TWSG1: variants seen among roughly 807,000 people sequenced by gnomAD.
TWSG1 encodes twisted gastrulation BMP signaling modulator 1.
Under a neutral mutation model 23.0 loss-of-function variants are expected in TWSG1, and 15 were observed. The observed-to-expected ratio is 0.65, with a 90% CI of 0.44 to 1.00. TWSG1 has a LOEUF of 1.00. Ranked by LOEUF, TWSG1 falls within the 50% of genes least tolerant of loss-of-function variation. TWSG1 has a pLI of 0.00. For missense variants in TWSG1, 242 were observed against 278.7 expected, an observed-to-expected ratio of 0.87 and a Z score of 0.94; for synonymous variants, 86 against 92.8, an observed-to-expected ratio of 0.93 and a Z score of 0.42.
At chr18:9,359,659 G>T (rs2040543150) in intron 2 of TWSG1, among the ~76,000 whole-genome samples, 1 of 152,132 alleles carries the variant, frequency 6.6e-6, no homozygotes, top group Non-Finnish European at 1.5e-5. Context: ...CTGAGAAGCA[G>T]GTTTTGTTCT....
intron 3 of TWSG1, among the ~76,000 whole-genome samples, chr18:9,379,161 C>A (rs749335277): frequency 2.0e-5 from 3 of 152,166 alleles, no homozygotes; most frequent in Non-Finnish European, 2.9e-5. Context: ...ACCCAGCAGT[C>A]CCACTACTCA....
chr18:9,340,934 G>A (rs1406721494), intron 2 of TWSG1, among the ~76,000 whole-genome samples: 1 of 152,206 alleles, frequency 6.6e-6, no homozygotes, highest in Non-Finnish European at 1.5e-5. Context: ...TTGAAAATCT[G>A]AAGGCTCACT....
At chr18:9,374,028 TG>T (rs1252793890) in intron 3 of TWSG1, among the ~76,000 whole-genome samples, 1 of 152,162 alleles carries the variant, frequency 6.6e-6, no homozygotes, top group African/African-American at 2.4e-5. Flanking sequence ...CATCAAAATT[TG>T]AGGGATGCCA....
intron 3 of TWSG1, among the ~76,000 whole-genome samples, chr18:9,368,504 A>C (rs1225588923): frequency 4.0e-5 from 6 of 150,994 alleles, no homozygotes; most frequent in African/African-American, 9.7e-5. Flanking sequence ...CCTGGCCATT[A>C]TTGTGGTTTT....
intron 2 of TWSG1, among the ~76,000 whole-genome samples, chr18:9,353,930 A>G (rs2040513294): frequency 6.6e-6 from 1 of 152,248 alleles, no homozygotes; most frequent in African/African-American, 2.4e-5. Flanking sequence ...TTACCTTTAC[A>G]AACAATGATT....
At chr18:9,358,554 A>G (rs2145606247) in intron 2 of TWSG1, among the ~76,000 whole-genome samples, 2 of 152,318 alleles carry the variant, frequency 1.3e-5, no homozygotes, top group African/African-American at 4.8e-5. Context: ...GCCATGAAAA[A>G]TTAGAACGGC....
In TWSG1 at chr18:9,339,173, G is replaced by C. The variant is rs143301560; in HGVS notation, c.123+1821G>C. ...TGAGCTATGATTGTGCCACTGCACT[G>C]AAGCCTGGGTGACAGAGCAAGACCC... On this transcript the variant is annotated intron_variant, in intron 2 of 4. Transcript: ENST00000262120. Among the ~76,000 whole-genome samples, 14 of 151,072 alleles carry C rather than the reference G, an allele frequency of 9.3e-5. No homozygotes were observed. In the East Asian group the frequency reaches 2.7e-3, roughly 29 times the overall value.
At chr18:9,394,903 T>C (rs1393393181) in intron 3 of TWSG1, among the ~76,000 whole-genome samples, 2 of 152,162 alleles carry the variant, frequency 1.3e-5, no homozygotes, top group Non-Finnish European at 2.9e-5. Context: ...GATATTCTCC[T>C]AAAAATTGGC....
intron 3 of TWSG1, among the ~76,000 whole-genome samples, chr18:9,393,801 T>A (rs1228264156): frequency 6.6e-6 from 1 of 152,200 alleles, no homozygotes; most frequent in Non-Finnish European, 1.5e-5. Flanking sequence ...CCTGAAGCAG[T>A]CCTCTCACCT....
intron 2 of TWSG1, among the ~76,000 whole-genome samples, chr18:9,346,967 A>G (rs892614376): frequency 3.3e-5 from 5 of 152,200 alleles, no homozygotes; most frequent in South Asian, 2.1e-4. Context: ...GAGAGTTGCT[A>G]TTGCTCCACA....
chr18:9,343,367 T>C (rs2040456546), intron 2 of TWSG1, among the ~76,000 whole-genome samples: 1 of 151,396 alleles, frequency 6.6e-6, no homozygotes, highest in Non-Finnish European at 1.5e-5. Flanking sequence ...GGAACTCTTA[T>C]TAGTATAAAT....
chr18:9,385,225 T>C (rs1199562773), intron 3 of TWSG1, among the ~76,000 whole-genome samples: 2 of 152,080 alleles, frequency 1.3e-5, no homozygotes, highest in Non-Finnish European at 2.9e-5. Flanking sequence ...GAAAAAGAAA[T>C]TGGAGAATTT....
chr18:9,351,622 G>GTTTTTTTTTTTTTTTTTTTTTTTTT (rs71168051), intron 2 of TWSG1, among the ~76,000 whole-genome samples: 3 of 116,610 alleles, frequency 2.6e-5, no homozygotes, highest in Non-Finnish European at 3.6e-5. Flanking sequence ...ACCATGCTGG[G>GTTTTTTTTTTTTTTTTTTTTTTTTT]TTTTTTTTTT....
chr18:9,360,288 G>T (rs1424108906), intron 3 of TWSG1, among the ~76,000 whole-genome samples: 2 of 152,118 alleles, frequency 1.3e-5, no homozygotes, highest in Admixed American at 6.5e-5. Context: ...AAGTAGGAGT[G>T]GGGGGCCAAG....
intron 3 of TWSG1, 121 bp from the exon 4 acceptor site, chr18:9,396,147 CAAAAAAAAAAAA>C: frequency 1.1e-5 from 5 of 470,708 alleles, no homozygotes; most frequent in East Asian, 3.7e-5. Context: ...GCTCACCCAG[CAAAAAAAAAAAA>C]AAAAAAAAAA....
At chr18:9,382,533 G>A (rs4798801) in intron 3 of TWSG1, among the ~76,000 whole-genome samples, 1 of 149,946 alleles carries the variant, frequency 6.7e-6, no homozygotes, top group Non-Finnish European at 1.5e-5. Context: ...AAAAAAAAAG[G>A]CTGGGTGCGG....
At position 9,399,591 on chromosome 18, in the gene TWSG1, T is replaced by G; in HGVS notation, c.*64T>G. ...TAGGTATAAAAAGTTATTCTGTAAG[T>G]CTGTTGGTTGTATCTTGTATCAGAA... On this transcript the variant is annotated 3_prime_UTR_variant, in exon 5 of 5. Transcript: ENST00000262120. 7.1e-7 allele frequency: 1 copy of G among 1,401,378 alleles called. No individual in the cohort carries two copies. 86.8% of individuals were successfully genotyped at this position (1,401,378 alleles called of 1,614,324 possible). A position where few individuals can be genotyped will look rare whatever the true frequency, so the allele number is the denominator to read the frequency against.
chr18:9,357,903 T>C (rs1204257517), intron 2 of TWSG1, among the ~76,000 whole-genome samples: 1 of 152,076 alleles, frequency 6.6e-6, no homozygotes, highest in African/African-American at 2.4e-5. Context: ...ACAAAGCTAA[T>C]GGCAGGGTTA....
rs2040756154 is a variant in TWSG1, at chr18:9,400,132, T to C, written c.*605T>C. On this transcript the variant is annotated 3_prime_UTR_variant, in exon 5 of 5. Coordinates refer to ENST00000262120, the MANE Select transcript of TWSG1 (RefSeq NM_020648.6). ...AATTGAGAACTCTTACATAGTAGAA[T>C]CCATTCTATAATACATGTGTTGACA... 1 of 152,252 alleles carries C rather than the reference T, an allele frequency of 6.6e-6. No individual in the cohort carries two copies. Among genetic ancestry groups the C allele is most frequent in the Non-Finnish European group, 1.5e-5 (1 of 68,046 alleles). The allele number at this position is 152,252 out of a possible 1,614,324, so 9.4% of individuals were successfully genotyped here.
Sources: gnomAD v4.1 joint callset for allele counts (sites outside exome capture counted in the v4.1 genomes callset) on GRCh38, gnomAD v4.1.1 for gene constraint, MANE v1.5 for transcripts, NCBI Gene and HGNC (gene_info 2026-07-23, HGNC 2026-07-21) for gene names.